NUDT3: variants seen among roughly 807,000 people sequenced by gnomAD.
The protein encoded by NUDT3 is diphosphoinositol polyphosphate phosphohydrolase 1.
NUDT3 carries 9 observed loss-of-function variants against 23.6 expected under a neutral mutation model. That is an observed-to-expected ratio of 0.38 (90% CI 0.23 to 0.66). The LOEUF is 0.66. Ranked by LOEUF, NUDT3 falls within the 30% of genes least tolerant of loss-of-function variation. The pLI, the probability that NUDT3 is intolerant of heterozygous loss-of-function variation, is 0.52. For synonymous variants in NUDT3, 86 were observed against 82.6 expected, an observed-to-expected ratio of 1.04 and a Z score of -0.22; for missense variants, 172 against 218.5, an observed-to-expected ratio of 0.79 and a Z score of 1.34.
rs889805171 is a variant in NUDT3, at chr6:34,284,194, G to A, written c.*4559C>T. The A allele has an allele frequency of 6.6e-6, 1 of 152,276 alleles. No individual in the cohort carries two copies. The highest frequency in any genetic ancestry group is 1.9e-4 in the East Asian group (1 of 5,184). 9.4% of individuals were successfully genotyped at this position (152,276 alleles called of 1,614,324 possible). ...TCTTTAAGAAACAGAAGAGCCATTTGCATTATTTAATCACCATTCAATAAT... is the reference window on the plus strand; with the variant it reads ...TCTTTAAGAAACAGAAGAGCCATTTACATTATTTAATCACCATTCAATAAT... On this transcript the variant is annotated 3_prime_UTR_variant, in exon 5 of 5. Transcript: ENST00000607016.
rs556479499 is a variant in NUDT3, at chr6:34,322,775, G to A, written c.210+19087C>T. Among the ~76,000 whole-genome samples the A allele has an allele frequency of 6.6e-5, 10 of 152,324 alleles. No individual in the cohort carries two copies. In the South Asian group the frequency reaches 2.1e-3, roughly 32 times the overall value. On this transcript the variant is annotated intron_variant, in intron 2 of 4. Transcript: ENST00000607016. ...ATTTCTTTAGATGTGACAATGGTAT[G>A]TGGTTATGTAGGAGACTGGCCTTAT...
At chr6:34,363,869 TTTAAGC>T (rs1764686155) in intron 1 of NUDT3, among the ~76,000 whole-genome samples, 1 of 151,824 alleles carries the variant, frequency 6.6e-6, no homozygotes, top group Non-Finnish European at 1.5e-5. Context: ...TCCTCCCAGG[TTTAAGC>T]GATTCTCCTG....
At chr6:34,342,074 A>G in intron 1 of NUDT3, 102 bp from the exon 2 acceptor site, 1 of 1,044,726 alleles carries the variant, frequency 9.6e-7, no homozygotes, top group Non-Finnish European at 1.4e-6. Flanking sequence ...ACCAAGACCC[A>G]TTCTTTGTTT....
Position 34,309,429 on chromosome 6 carries a change from T to G in NUDT3, c.211-13744A>C, listed in dbSNP as rs190961083. 1.2e-3 allele frequency among the ~76,000 whole-genome samples: 180 copies of G among 152,150 alleles called. 3 individuals carry two copies. Among genetic ancestry groups the G allele is most frequent in the Middle Eastern group, 3.4e-3 (1 of 294 alleles). The stretch of plus-strand genomic sequence containing the variant: ...AAAACTTTAGGCTAAATGCATATAT[T>G]AGAAAAGAAAGATCTAAAATTAATA... On this transcript the variant is annotated intron_variant, in intron 2 of 4. Transcript: ENST00000607016.
chr6:34,318,599 GTAA>G (rs1352732802), intron 2 of NUDT3, among the ~76,000 whole-genome samples: 2 of 152,070 alleles, frequency 1.3e-5, no homozygotes, highest in African/African-American at 2.4e-5. Context: ...CTGCTGGATG[GTAA>G]TAAAAAATAC....
rs188308225 is a variant in NUDT3, at chr6:34,316,338, G to A, written c.211-20653C>T. ...CCTCAATCACAAAAGGTAGTAAAGA[G>A]GAACAAAAATGGAGCCAAATGAAAT... On this transcript the variant is annotated intron_variant, in intron 2 of 4. Coordinates refer to ENST00000607016, the MANE Select transcript of NUDT3 (RefSeq NM_006703.4). Among the ~76,000 whole-genome samples, 11 of 152,224 alleles carry A rather than the reference G, an allele frequency of 7.2e-5. No homozygotes were observed. The South Asian group carries it at 1.0e-3, about 14-fold the overall frequency.
chr6:34,392,240 G>T, intron 1 of NUDT3, 24 bp downstream of exon 1: 2 of 1,554,086 alleles, frequency 1.3e-6, no homozygotes, highest in South Asian at 1.2e-5. Context: ...CGGCGACCCC[G>T]GCCCGCCCAG....
chr6:34,327,159 G>T (rs190692814), intron 2 of NUDT3, among the ~76,000 whole-genome samples: 3 of 152,164 alleles, frequency 2.0e-5, no homozygotes, highest in African/African-American at 7.2e-5. Context: ...CATAGGACAG[G>T]GGGCCCTTCC....
intron 1 of NUDT3, among the ~76,000 whole-genome samples, chr6:34,346,676 ACT>A (rs955799738): frequency 1.4e-4 from 21 of 152,238 alleles, no homozygotes; most frequent in Non-Finnish European, 2.8e-4. Context: ...CAAAGCAAAC[ACT>A]GTTACTGGTA....
At chr6:34,337,620 A>G (rs1764228894) in intron 2 of NUDT3, among the ~76,000 whole-genome samples, 2 of 152,168 alleles carry the variant, frequency 1.3e-5, no homozygotes, top group African/African-American at 2.4e-5. Context: ...CTGGTTTTCT[A>G]TATCTTAGCT....
At chr6:34,365,966 C>T (rs545987291) in intron 1 of NUDT3, among the ~76,000 whole-genome samples, 45 of 151,834 alleles carry the variant, frequency 3.0e-4, no homozygotes, top group Middle Eastern at 3.4e-3. Flanking sequence ...GCTTGAGCCC[C>T]GGAGGCAGAG....
chr6:34,324,355 CAAAAA>C (rs771271813), intron 2 of NUDT3, among the ~76,000 whole-genome samples: 5 of 114,798 alleles, frequency 4.4e-5, no homozygotes, highest in South Asian at 2.8e-4. Flanking sequence ...ACTACGCTTC[CAAAAA>C]AAAAAAAAAG....
At chr6:34,335,063 C>T (rs1335479171) in intron 2 of NUDT3, among the ~76,000 whole-genome samples, 1 of 152,096 alleles carries the variant, frequency 6.6e-6, no homozygotes, top group Non-Finnish European at 1.5e-5. Flanking sequence ...AAACAAGCAA[C>T]ATCAATAAAG....
At chr6:34,353,430 AC>A (rs1764508699) in intron 1 of NUDT3, among the ~76,000 whole-genome samples, 1 of 142,794 alleles carries the variant, frequency 7.0e-6, no homozygotes, top group Non-Finnish European at 1.5e-5. Flanking sequence ...CCTATACACA[AC>A]TCCCAAGTAT....
Position 34,371,102 on chromosome 6 carries a change from C to A in NUDT3, c.99+21162G>T, listed in dbSNP as rs189898760. 3.6e-3 allele frequency among the ~76,000 whole-genome samples: 538 copies of A among 150,254 alleles called. 5 individuals are homozygous for A. The highest frequency in any genetic ancestry group is 7.7e-3 in the Admixed American group (116 of 15,038). ...CTCCAGCCTGGGCAACAGAGCAAGA[C>A]TCCGTCTCAAAAAAAGAAAAAAAAA... On this transcript the variant is annotated intron_variant, in intron 1 of 4. Coordinates refer to ENST00000607016, the MANE Select transcript of NUDT3 (RefSeq NM_006703.4).
intron 2 of NUDT3, among the ~76,000 whole-genome samples, chr6:34,327,919 G>A (rs1764066820): frequency 1.3e-5 from 2 of 152,104 alleles, no homozygotes; most frequent in Admixed American, 1.3e-4. Flanking sequence ...CTTGGTCACT[G>A]CTCACGATGT....
At chr6:34,292,501 G>C (rs1404371088) in intron 4 of NUDT3, among the ~76,000 whole-genome samples, 2 of 152,040 alleles carry the variant, frequency 1.3e-5, no homozygotes, top group Non-Finnish European at 2.9e-5. Flanking sequence ...TGAGATCAAA[G>C]AAAATGGCTC....
Position 34,286,171 on chromosome 6 carries a change from T to A in NUDT3, c.*2582A>T, listed in dbSNP as rs1763331809. 6.6e-6 allele frequency: 1 copy of A among 152,196 alleles called. No individual in the cohort carries two copies. The highest frequency in any genetic ancestry group is 1.5e-5 in the Non-Finnish European group (1 of 68,048). The allele number at this position is 152,196 out of a possible 1,614,324, so 9.4% of individuals were successfully genotyped here. A position where few individuals can be genotyped will look rare whatever the true frequency, so the allele number is the denominator to read the frequency against. On this transcript the variant is annotated 3_prime_UTR_variant, in exon 5 of 5. Transcript: ENST00000607016. ...ATCTTGGCTTACTGCAACCTCTGCC[T>A]CCCAGGTTTAAGCAATTCTCATGCT... is the stretch of plus-strand genomic sequence containing the variant.
chr6:34,382,454 TTTTG>T (rs1194734070), intron 1 of NUDT3, among the ~76,000 whole-genome samples: 7 of 152,184 alleles, frequency 4.6e-5, no homozygotes, highest in Non-Finnish European at 8.8e-5. Context: ...ACTTCTCTTT[TTTTG>T]TTTGTTTTGT....
Sources: allele counts gnomAD v4.1 joint callset (sites outside exome capture counted in the v4.1 genomes callset), GRCh38; gene constraint gnomAD v4.1.1; transcripts MANE v1.5; gene names NCBI Gene and HGNC (gene_info 2026-07-23, HGNC 2026-07-21).